GPR15: variants seen among roughly 807,000 people sequenced by gnomAD.
GPR15 encodes the protein brother of Bonzo.
GPR15 carries 16 observed loss-of-function variants against 19.3 expected under a neutral mutation model. The observed-to-expected ratio is 0.83, with a 90% CI of 0.56 to 1.26. The LOEUF (loss-of-function observed/expected upper bound fraction) is 1.26. Ranked by LOEUF, GPR15 falls within the 50% of genes most tolerant of loss-of-function variation. GPR15 has a pLI of 0.00. For synonymous variants in GPR15, 170 were observed against 171.2 expected, an observed-to-expected ratio of 0.99 and a Z score of 0.05; for missense variants, 458 against 429.4, an observed-to-expected ratio of 1.07 and a Z score of -0.59.
Position 98,533,633 on chromosome 3 carries a change from A to G in GPR15, c.*517A>G, listed in dbSNP as rs917170131. Reference sequence around the variant, plus strand: ...GTTACTAAGCTAGATTCTGACCTCAATCTTTAAAGCTTTGTATCGTGATTC... The same window carrying G: ...GTTACTAAGCTAGATTCTGACCTCAGTCTTTAAAGCTTTGTATCGTGATTC... On this transcript the variant is annotated 3_prime_UTR_variant, in exon 1 of 1. Transcript: ENST00000284311. Among the ~76,000 whole-genome samples, 8 of 152,306 alleles carry G rather than the reference A, an allele frequency of 5.3e-5. No individual in the cohort carries two copies. The highest frequency in any genetic ancestry group is 4.1e-4 in the South Asian group (2 of 4,830).
Position 98,533,266 on chromosome 3 carries a change from G to A in GPR15, c.*150G>A. 1.1e-6 allele frequency: 1 copy of A among 894,988 alleles called. No individual in the cohort carries two copies. The allele number at this position is 894,988 out of a possible 1,614,324, so 55.4% of individuals were successfully genotyped here. ...AAAGAGAGGACTGAAAAATCCCTGT[G>A]TTGTGGATATAATTAGGCCATGTGC... On this transcript the variant is annotated 3_prime_UTR_variant, in exon 1 of 1. Coordinates refer to ENST00000284311, the MANE Select transcript of GPR15 (RefSeq NM_005290.4).
At position 98,533,127 on chromosome 3, in the gene GPR15, G is replaced by T; in HGVS notation, c.*11G>T. Reference sequence around the variant, plus strand: ...TCTGTGTCACTCTAAAGGGAACTGTGACATTTCAAGCTCTGTTGGTGGGTT... The same window carrying T: ...TCTGTGTCACTCTAAAGGGAACTGTTACATTTCAAGCTCTGTTGGTGGGTT... On this transcript the variant is annotated 3_prime_UTR_variant, in exon 1 of 1. Transcript: ENST00000284311. The T allele has an allele frequency of 6.3e-7, 1 of 1,586,258 alleles. No homozygotes were observed. Among genetic ancestry groups the T allele is most frequent in the South Asian group, 1.1e-5 (1 of 88,330 alleles).
Position 98,532,946 on chromosome 3 carries a change from T to A in GPR15, c.913T>A (p.Phe305Ile), listed in dbSNP as rs1706663978. 6.2e-7 allele frequency: 1 copy of A among 1,614,118 alleles called. No individual in the cohort carries two copies. The highest frequency in any genetic ancestry group is 1.1e-5 in the South Asian group (1 of 91,076). Residue 305 changes from phenylalanine (F) to isoleucine (I), a missense_variant, in exon 1 of 1, where the codon TTC becomes ATC. By Grantham distance (21) the Phe-to-Ile change is conservative. Transcript: ENST00000284311. Reference sequence around the variant, plus strand: ...TGTCAACCCTTTCATTTACTATATCTTCGACAGCTACATCCGCCGGGCCAT... The same window carrying A: ...TGTCAACCCTTTCATTTACTATATCATCGACAGCTACATCCGCCGGGCCAT... ...SCVNPFIYYI[F>I]DSYIRRAIVH...
chr3:98,533,686 T>C lies in GPR15; in HGVS notation c.*570T>C, dbSNP rs941127664. Among the ~76,000 whole-genome samples, 8 of 152,214 alleles carry C rather than the reference T, an allele frequency of 5.3e-5. No individual in the cohort carries two copies. The highest frequency in any genetic ancestry group is 1.9e-4 in the African/African-American group (8 of 41,448). On this transcript the variant is annotated 3_prime_UTR_variant, in exon 1 of 1. Coordinates refer to ENST00000284311, the MANE Select transcript of GPR15 (RefSeq NM_005290.4). ...CATCATCTTCCAACATTGTGCTTCA[T>C]CCTATGCCTATTCACAATGGCTTTG...
Position 98,532,354 on chromosome 3 carries a change from A to T in GPR15, c.321A>T (p.Lys107Asn), listed in dbSNP as rs781099615. 4 of 1,614,200 alleles carry T rather than the reference A, an allele frequency of 2.5e-6. No individual in the cohort carries two copies. In the Admixed American group the frequency reaches 5.0e-5, roughly 20 times the overall value. The change falls in exon 1 of 1, where the codon AAA becomes AAT. Residue 107 changes from lysine (K) to asparagine (N), a missense_variant. Physicochemically the swap from Lys to Asn is moderately conservative, Grantham distance 94 (BLOSUM62 0). Transcript: ENST00000284311. ...GGAGGACGGGCTCCTTCCTGTGCAAAGGGAGCTCCTACATGATCTCCGTCA... is the reference window on the plus strand; with the variant it reads ...GGAGGACGGGCTCCTTCCTGTGCAATGGGAGCTCCTACATGATCTCCGTCA... ...GLWRTGSFLC[K>N]GSSYMISVNM... is the part of the protein sequence containing the mutation.
rs773949080 is a variant in GPR15, at chr3:98,534,410, T to C, written c.*1294T>C. ...ATCTTTTGATTCAAGGGAAAGCGGG[T>C]TATGTTTTTACCTCCACTGTTGACT... On this transcript the variant is annotated 3_prime_UTR_variant, in exon 1 of 1. Transcript: ENST00000284311. 2.0e-5 allele frequency among the ~76,000 whole-genome samples: 3 copies of C among 152,162 alleles called. No individual in the cohort carries two copies. The highest frequency in any genetic ancestry group is 4.4e-5 in the Non-Finnish European group (3 of 68,000).
Position 98,533,188 on chromosome 3 carries a change from T to C in GPR15, c.*72T>C. 4.9e-6 allele frequency: 7 copies of C among 1,441,466 alleles called. No homozygotes were observed. The highest frequency in any genetic ancestry group is 2.1e-4 in the Middle Eastern group (1 of 4,750). The allele number at this position is 1,441,466 out of a possible 1,614,324, so 89.3% of individuals were successfully genotyped here. A position where few individuals can be genotyped will look rare whatever the true frequency, so the allele number is the denominator to read the frequency against. ...TTTTTGTCAGCAACAAAGAAGGAAG[T>C]GTTAATGATAGGATTCACATTGCTT... On this transcript the variant is annotated 3_prime_UTR_variant, in exon 1 of 1. Coordinates refer to ENST00000284311, the MANE Select transcript of GPR15 (RefSeq NM_005290.4).
At position 98,532,428 on chromosome 3, in the gene GPR15, A is replaced by C. The variant is rs114462906; in HGVS notation, c.395A>C (p.Tyr132Ser). ...CTCACTTGCATGAGTGTTGACCGCT[A>C]CCTGGCCATTGTGTGGCCAGTCGTA... The part of the protein sequence containing the change: ...LLLTCMSVDR[Y>S]LAIVWPVVSR... The change falls in exon 1 of 1, where the codon TAC becomes TCC. Residue 132 changes from tyrosine (Y) to serine (S), a missense_variant. Transcript: ENST00000284311. 1.2e-3 allele frequency: 1,916 copies of C among 1,614,122 alleles called. 20 individuals are homozygous for C. The African/African-American group carries it at 0.019, about 16-fold the overall frequency.
chr3:98,533,217 A>G lies in GPR15; in HGVS notation c.*101A>G. ...AATGATAGGATTCACATTGCTTCAT[A>G]GATGCAAGGAAGAGTTCATTTTTAA... On this transcript the variant is annotated 3_prime_UTR_variant, in exon 1 of 1. Coordinates refer to ENST00000284311, the MANE Select transcript of GPR15 (RefSeq NM_005290.4). 8.0e-7 allele frequency: 1 copy of G among 1,250,186 alleles called. No individual in the cohort carries two copies. Among genetic ancestry groups the G allele is most frequent in the East Asian group, 2.3e-5 (1 of 42,558 alleles). 77.4% of individuals were successfully genotyped at this position (1,250,186 alleles called of 1,614,324 possible).
Position 98,533,198 on chromosome 3 carries a change from AG to A in GPR15, c.*84del, listed in dbSNP as rs1706668959. 2 of 1,384,082 alleles carry A rather than the reference AG, an allele frequency of 1.4e-6. No individual in the cohort carries two copies. Among genetic ancestry groups the A allele is most frequent in the Non-Finnish European group, 1.9e-6 (2 of 1,027,236 alleles). 85.7% of individuals were successfully genotyped at this position (1,384,082 alleles called of 1,614,324 possible). A position where few individuals can be genotyped will look rare whatever the true frequency, so the allele number is the denominator to read the frequency against. On this transcript the variant is annotated 3_prime_UTR_variant, in exon 1 of 1. Transcript: ENST00000284311. ...CAACAAAGAAGGAAGTGTTAATGAT[AG>A]GATTCACATTGCTTCATAGATGCAA...
chr3:98,533,194 T>G lies in GPR15; in HGVS notation c.*78T>G. 1.4e-6 allele frequency: 2 copies of G among 1,415,596 alleles called. No individual in the cohort carries two copies. Among genetic ancestry groups the G allele is most frequent in the Non-Finnish European group, 1.9e-6 (2 of 1,054,830 alleles). The allele number at this position is 1,415,596 out of a possible 1,614,324, so 87.7% of individuals were successfully genotyped here. Reference sequence around the variant, plus strand: ...TCAGCAACAAAGAAGGAAGTGTTAATGATAGGATTCACATTGCTTCATAGA... The same window carrying G: ...TCAGCAACAAAGAAGGAAGTGTTAAGGATAGGATTCACATTGCTTCATAGA... On this transcript the variant is annotated 3_prime_UTR_variant, in exon 1 of 1. Coordinates refer to ENST00000284311, the MANE Select transcript of GPR15 (RefSeq NM_005290.4).
Position 98,532,655 on chromosome 3 carries a change from T to G in GPR15, c.622T>G (p.Leu208Val), listed in dbSNP as rs778717718. ...CTTAATTTTCACCTTTTTTGTCCCT[T>G]TGTTGAGCATTGTGACCTGCTACTG... ...VALIFTFFVP[L>V]LSIVTCYCCI... is the part of the protein sequence containing the mutation. Residue 208 changes from leucine (L) to valine (V), a missense_variant, in exon 1 of 1, where the codon TTG (leucine) becomes GTG (valine). By Grantham distance (32) the Leu-to-Val change is conservative. Coordinates refer to ENST00000284311, the MANE Select transcript of GPR15 (RefSeq NM_005290.4). 2.4e-5 allele frequency: 38 copies of G among 1,614,106 alleles called. No homozygotes were observed. The highest frequency in any genetic ancestry group is 1.7e-6 in the Non-Finnish European group (2 of 1,180,050).
rs1339602382 is a variant in GPR15 at position 98,534,195 on chromosome 3, CT to C, written c.*1080del. Among the ~76,000 whole-genome samples, 1 of 152,114 alleles carries C rather than the reference CT, an allele frequency of 6.6e-6. No individual in the cohort carries two copies. Among genetic ancestry groups the C allele is most frequent in the East Asian group, 1.9e-4 (1 of 5,202 alleles). On this transcript the variant is annotated 3_prime_UTR_variant, in exon 1 of 1. Transcript: ENST00000284311. ...TGTATTCAGCCAAAGTAGAAAATCT[CT>C]AACAAAGATCTCACTAGTATTTTAT...
rs1706646111 is a variant in GPR15 at position 98,532,207 on chromosome 3, G to A, written c.174G>A (p.Leu58=). ...GGAACCTTGTTCTCATGGGAGCGTT[G>A]CATTTCAAACCCGGCAGCCGAAGAC... The part of the protein sequence containing the change: ...VLGNLVLMGA[L]HFKPGSRRLI... The change falls in exon 1 of 1, where the codon TTG becomes TTA. Residue 58 remains leucine, a synonymous_variant. Coordinates refer to ENST00000284311, the MANE Select transcript of GPR15 (RefSeq NM_005290.4). 1 of 1,614,138 alleles carries A rather than the reference G, an allele frequency of 6.2e-7. No individual in the cohort carries two copies. The highest frequency in any genetic ancestry group is 8.5e-7 in the Non-Finnish European group (1 of 1,180,020).
rs1348327724 is a variant in GPR15 at position 98,534,427 on chromosome 3, C to T, written c.*1311C>T. Among the ~76,000 whole-genome samples, 1 of 152,204 alleles carries T rather than the reference C, an allele frequency of 6.6e-6. No homozygotes were observed. The highest frequency in any genetic ancestry group is 1.5e-5 in the Non-Finnish European group (1 of 68,026). On this transcript the variant is annotated 3_prime_UTR_variant, in exon 1 of 1. Transcript: ENST00000284311. Reference sequence around the variant, plus strand: ...AAAGCGGGTTATGTTTTTACCTCCACTGTTGACTTGAATGAATTACCATTT... The same window carrying T: ...AAAGCGGGTTATGTTTTTACCTCCATTGTTGACTTGAATGAATTACCATTT...
Position 98,534,162 on chromosome 3 carries a change from G to A in GPR15, c.*1046G>A, listed in dbSNP as rs1706678813. On this transcript the variant is annotated 3_prime_UTR_variant, in exon 1 of 1. Coordinates refer to ENST00000284311, the MANE Select transcript of GPR15 (RefSeq NM_005290.4). ...TAAGATCCAGTAATATAGGGAGACAGGCTGCTCTGTATTCAGCCAAAGTAG... is the reference window on the plus strand; with the variant it reads ...TAAGATCCAGTAATATAGGGAGACAAGCTGCTCTGTATTCAGCCAAAGTAG... Among the ~76,000 whole-genome samples the A allele has an allele frequency of 6.6e-6, 1 of 152,070 alleles. No individual in the cohort carries two copies. Among genetic ancestry groups the A allele is most frequent in the Non-Finnish European group, 1.5e-5 (1 of 67,990 alleles).
Position 98,533,221 on chromosome 3 carries a change from G to T in GPR15, c.*105G>T. 8.2e-7 allele frequency: 1 copy of T among 1,224,164 alleles called. No individual in the cohort carries two copies. The highest frequency in any genetic ancestry group is 1.5e-5 in the African/African-American group (1 of 66,328). The allele number at this position is 1,224,164 out of a possible 1,614,324, so 75.8% of individuals were successfully genotyped here. ...ATAGGATTCACATTGCTTCATAGAT[G>T]CAAGGAAGAGTTCATTTTTAAAGAG... On this transcript the variant is annotated 3_prime_UTR_variant, in exon 1 of 1. Transcript: ENST00000284311.
Position 98,532,371 on chromosome 3 carries a change from T to C in GPR15, c.338T>C (p.Ile113Thr). The C allele has an allele frequency of 6.2e-7, 1 of 1,614,164 alleles. No individual in the cohort carries two copies. The highest frequency in any genetic ancestry group is 8.5e-7 in the Non-Finnish European group (1 of 1,180,010). ...CTGTGCAAAGGGAGCTCCTACATGA[T>C]CTCCGTCAATATGCACTGCAGTGTC... ...SFLCKGSSYM[I>T]SVNMHCSVLL... The change falls in exon 1 of 1, where the codon ATC (isoleucine) becomes ACC (threonine). Residue 113 changes from isoleucine (I) to threonine (T), a missense_variant. Transcript: ENST00000284311.
In GPR15 at chr3:98,532,878, T is replaced by C; in HGVS notation, c.845T>C (p.Leu282Pro). The C allele has an allele frequency of 1.2e-6, 2 of 1,614,168 alleles. No homozygotes were observed. Among genetic ancestry groups the C allele is most frequent in the South Asian group, 2.2e-5 (2 of 91,086 alleles). Residue 282 changes from leucine to proline, a missense_variant, in exon 1 of 1, where the codon CTT (leucine) becomes CCT (proline). Leu to Pro is a moderately conservative substitution (Grantham distance 98). Transcript: ENST00000284311. ...TATTTACCCTCAGCTATTCTTCAGCTTGGTATGGAGGTGAGTGGACCCTTG... is the reference window on the plus strand; with the variant it reads ...TATTTACCCTCAGCTATTCTTCAGCCTGGTATGGAGGTGAGTGGACCCTTG... The part of the protein sequence containing the change: ...EHYLPSAILQ[L>P]GMEVSGPLAF...
Sources: allele counts gnomAD v4.1 joint callset (sites outside exome capture counted in the v4.1 genomes callset), GRCh38; gene constraint gnomAD v4.1.1; transcripts MANE v1.5; gene names NCBI Gene and HGNC (gene_info 2026-07-23, HGNC 2026-07-21).